CNTNAP2: variants seen among roughly 807,000 people sequenced by gnomAD.
CNTNAP2 encodes contactin associated protein 2.
A neutral mutation model predicts 155.2 loss-of-function variants in CNTNAP2; 98 were observed. That is an observed-to-expected ratio of 0.63 (90% confidence interval 0.54 to 0.75). The LOEUF (loss-of-function observed/expected upper bound fraction) is 0.75, where lower values mean the gene tolerates loss of function less well. Ranked by LOEUF, CNTNAP2 falls within the 30% of genes least tolerant of loss-of-function variation. CNTNAP2 has a pLI of 0.00. For synonymous variants in CNTNAP2, 651 were observed against 631.2 expected, an observed-to-expected ratio of 1.03 and a Z score of -0.47; for missense variants, 1,727 against 1,688.1, an observed-to-expected ratio of 1.02 and a Z score of -0.40.
chr7:147,960,803 C>G (rs189697572), intron 14 of CNTNAP2, among the ~76,000 whole-genome samples: 2 of 149,770 alleles, frequency 1.3e-5, no homozygotes, highest in African/African-American at 4.9e-5. Flanking sequence ...CTCCTTTCCT[C>G]CTCCTTTCCT....
chr7:147,276,026 A>G (rs11763543), intron 8 of CNTNAP2, among the ~76,000 whole-genome samples: 14,653 of 151,812 alleles, frequency 0.097, 1,007 homozygotes, highest in Non-Finnish European at 0.15. Flanking sequence ...ATTGTGATGG[A>G]TCATCTTTGT....
chr7:146,952,682 C>A (rs1238846708), intron 3 of CNTNAP2, among the ~76,000 whole-genome samples: 3 of 152,054 alleles, frequency 2.0e-5, no homozygotes, highest in Admixed American at 2.0e-4. Flanking sequence ...TTCACAATTG[C>A]TACACAGAAA....
intron 15 of CNTNAP2, among the ~76,000 whole-genome samples, chr7:148,102,974 A>G (rs1406048892): frequency 4.6e-5 from 7 of 152,226 alleles, no homozygotes. Context: ...ATCAATCAAC[A>G]TATGTAAGAT....
At chr7:146,486,643 G>A (rs191162729) in intron 1 of CNTNAP2, among the ~76,000 whole-genome samples, 1 of 152,214 alleles carries the variant, frequency 6.6e-6, no homozygotes, top group Admixed American at 6.5e-5. Flanking sequence ...TAGAAAATCA[G>A]AGTGCCCATG....
At chr7:146,478,363 A>T (rs1796910598) in intron 1 of CNTNAP2, among the ~76,000 whole-genome samples, 1 of 151,982 alleles carries the variant, frequency 6.6e-6, no homozygotes, top group Non-Finnish European at 1.5e-5. Flanking sequence ...AACCACCAAG[A>T]GAGGGTGATC....
intron 1 of CNTNAP2, among the ~76,000 whole-genome samples, chr7:146,469,527 T>TC (rs2129126318): frequency 8.6e-6 from 1 of 116,764 alleles, no homozygotes; most frequent in African/African-American, 3.6e-5. Context: ...ACTTTTTTTT[T>TC]TTTTTTTTTT....
chr7:146,856,285 GATAGATAGATAGATACATAC>G (rs1279144579), intron 3 of CNTNAP2, among the ~76,000 whole-genome samples: 162 of 78,180 alleles, frequency 2.1e-3, no homozygotes, highest in African/African-American at 6.2e-3. Context: ...TAGATAGATA[GATAGATAGATAGATACATAC>G]ATACATACAT....
At chr7:146,963,913 G>C (rs981777972) in intron 3 of CNTNAP2, among the ~76,000 whole-genome samples, 6 of 151,792 alleles carry the variant, frequency 4.0e-5, no homozygotes, top group Admixed American at 3.9e-4. Flanking sequence ...GAAGACACTG[G>C]TTTATTTATT....
At chr7:146,401,845 T>C (rs957619672) in intron 1 of CNTNAP2, among the ~76,000 whole-genome samples, 2 of 152,176 alleles carry the variant, frequency 1.3e-5, no homozygotes, top group Non-Finnish European at 1.5e-5. Context: ...AACAAAACTT[T>C]ATTTTATCAC....
At chr7:147,304,314 A>T (rs1485845414) in intron 9 of CNTNAP2, among the ~76,000 whole-genome samples, 2 of 152,110 alleles carry the variant, frequency 1.3e-5, no homozygotes, top group Non-Finnish European at 2.9e-5. Flanking sequence ...ATTTTCCTCC[A>T]ACTAGAATTT....
chr7:147,447,222 A>G (rs778656453), intron 10 of CNTNAP2, among the ~76,000 whole-genome samples: 12 of 152,186 alleles, frequency 7.9e-5, no homozygotes, highest in Middle Eastern at 3.2e-3. Context: ...ATGCATGCGT[A>G]AATAGCTTCC....
intron 13 of CNTNAP2, among the ~76,000 whole-genome samples, chr7:147,656,099 C>A (rs1795521517): frequency 6.6e-6 from 1 of 152,238 alleles, no homozygotes; most frequent in Admixed American, 6.5e-5. Context: ...CTTCTGCAGA[C>A]TTCTCACCTT....
intron 13 of CNTNAP2, among the ~76,000 whole-genome samples, chr7:147,708,818 C>A (rs1222153961): frequency 6.6e-6 from 1 of 152,150 alleles, no homozygotes; most frequent in African/African-American, 2.4e-5. Flanking sequence ...CATAAATGAT[C>A]TATTCAAAGT....
At chr7:147,818,063 T>TA (rs779449013) in intron 13 of CNTNAP2, among the ~76,000 whole-genome samples, 2 of 152,014 alleles carry the variant, frequency 1.3e-5, no homozygotes, top group South Asian at 2.1e-4. Flanking sequence ...AATTTTTTTT[T>TA]AAAAAAATCA....
At chr7:146,626,900 C>A (rs935829449) in intron 1 of CNTNAP2, among the ~76,000 whole-genome samples, 1 of 152,110 alleles carries the variant, frequency 6.6e-6, no homozygotes, top group African/African-American at 2.4e-5. Flanking sequence ...GGCCTAACTT[C>A]ATTGGGTCAT....
At chr7:148,347,737 A>C (rs74580146) in intron 21 of CNTNAP2, among the ~76,000 whole-genome samples, 3,276 of 152,364 alleles carry the variant, frequency 0.022, 33 homozygotes, top group African/African-American at 0.038. Context: ...AGAGACCAAC[A>C]TAGAGAAAAG....
At chr7:146,600,936 C>T (rs534718052) in intron 1 of CNTNAP2, among the ~76,000 whole-genome samples, 2 of 152,118 alleles carry the variant, frequency 1.3e-5, no homozygotes, top group Non-Finnish European at 2.9e-5. Context: ...GTTTCACATA[C>T]AGAATAATCT....
chr7:146,958,501 C>T (rs1797486686), intron 3 of CNTNAP2, among the ~76,000 whole-genome samples: 1 of 147,556 alleles, frequency 6.8e-6, no homozygotes, highest in African/African-American at 2.5e-5. Context: ...GCAAGCTCTG[C>T]CTCCAGGGTT....
chr7:146,371,663 T>C (rs893804534), intron 1 of CNTNAP2, among the ~76,000 whole-genome samples: 3 of 151,934 alleles, frequency 2.0e-5, no homozygotes, highest in African/African-American at 7.2e-5. Context: ...TTTAAAAATA[T>C]TTTGCCAGCT....
Sources: gnomAD v4.1 joint callset for allele counts (sites outside exome capture counted in the v4.1 genomes callset) on GRCh38, gnomAD v4.1.1 for gene constraint, MANE v1.5 for transcripts, NCBI Gene and HGNC (gene_info 2026-07-23, HGNC 2026-07-21) for gene names.